Variants in CELA1 observed in about 807,000 individuals in gnomAD.
CELA1 encodes chymotrypsin-like elastase family member 1.
A neutral mutation model predicts 34.8 loss-of-function variants in CELA1; 28 were observed. That is an observed-to-expected ratio of 0.80 (90% confidence interval 0.60 to 1.10). The LOEUF (loss-of-function observed/expected upper bound fraction) is 1.10. Ranked by LOEUF, CELA1 falls within the 50% of genes least tolerant of loss-of-function variation. CELA1 has a pLI of 0.00. For synonymous variants in CELA1, 140 were observed against 129.8 expected (o/e 1.08, Z -0.53); for missense variants, 288 against 327.5 (o/e 0.88, Z 0.93).
chr12:51,330,813 A>C (rs1323051172), intron 6 of CELA1, among the ~76,000 whole-genome samples: 1 of 151,460 alleles, frequency 6.6e-6, no homozygotes, highest in Non-Finnish European at 1.5e-5. Flanking sequence ...TACTAAAAAT[A>C]CAAAAAATTA....
rs757777920 is a variant in CELA1, at chr12:51,340,020, C to T, written c.464-15G>A. ...CTGCCCATTGGCTGAACAGGACACA[C>T]GGCATTGGCAGTCAGCTCCAGATGT... On this transcript the variant is annotated splice_polypyrimidine_tract_variant and intron_variant, in intron 5 of 7. Transcript: ENST00000293636. 1.5e-5 allele frequency: 24 copies of T among 1,608,688 alleles called. No individual in the cohort carries two copies. In the South Asian group the frequency reaches 1.7e-4, roughly 11 times the overall value.
At chr12:51,336,336 G>T (rs1017696986) in intron 6 of CELA1, among the ~76,000 whole-genome samples, 1 of 152,036 alleles carries the variant, frequency 6.6e-6, no homozygotes, top group African/African-American at 2.4e-5. Flanking sequence ...CTTCCCCCAG[G>T]CCCCACTTTT....
intron 7 of CELA1, among the ~76,000 whole-genome samples, chr12:51,329,347 A>G (rs1165864729): frequency 1.3e-5 from 2 of 151,758 alleles, no homozygotes; most frequent in Non-Finnish European, 2.9e-5. Context: ...TCCCTTGCCT[A>G]GGAGTACGCA....
chr12:51,335,512 C>T (rs1405243204), intron 6 of CELA1, among the ~76,000 whole-genome samples: 1 of 151,840 alleles, frequency 6.6e-6, no homozygotes, highest in Admixed American at 6.6e-5. Context: ...CCATAGCCTC[C>T]CAAAGCACTG....
intron 6 of CELA1, among the ~76,000 whole-genome samples, chr12:51,334,979 C>A (rs1946492813): frequency 6.6e-6 from 1 of 152,150 alleles, no homozygotes. Context: ...CCATACAACC[C>A]TTTCCCCTTC....
At chr12:51,339,294 T>C (rs768728334) in intron 6 of CELA1, among the ~76,000 whole-genome samples, 3 of 152,210 alleles carry the variant, frequency 2.0e-5, no homozygotes, top group Non-Finnish European at 2.9e-5. Flanking sequence ...CTCACGCCTG[T>C]AGTCCCAGCA....
At position 51,339,873 on chromosome 12, in the gene CELA1, C is replaced by A. The variant is rs774388922; in HGVS notation, c.596G>T (p.Arg199Leu). Reference protein sequence around the residue: ...TMVCAGGDGVRSGCQGDSGGP... With the variant: ...TMVCAGGDGVLSGCQGDSGGP... ...GCAAATGTTCACCTGGCATCCAGAG[C>A]GAACTCCATCTCCACCAGCACACAC... is the stretch of plus-strand genomic sequence containing the variant. Residue 199 changes from arginine to leucine, a missense_variant, in exon 6 of 8, where the codon CGC becomes CTC. Arg to Leu is a moderately radical substitution (Grantham distance 102). Coordinates refer to ENST00000293636, the MANE Select transcript of CELA1 (RefSeq NM_001971.6). 3.1e-6 allele frequency: 5 copies of A among 1,613,096 alleles called. No individual in the cohort carries two copies. The South Asian group carries it at 3.3e-5, about 11-fold the overall frequency.
At chr12:51,346,105 A>G (rs1240086164) in intron 1 of CELA1, among the ~76,000 whole-genome samples, 2 of 151,248 alleles carry the variant, frequency 1.3e-5, no homozygotes, top group Non-Finnish European at 2.9e-5. Context: ...CCGGCATGCT[A>G]TGAAGGACCT....
Position 51,339,886 on chromosome 12 carries a change from C to T in CELA1, c.583G>A (p.Gly195Arg). The T allele has an allele frequency of 1.9e-6, 3 of 1,614,090 alleles. No homozygotes were observed. The highest frequency in any genetic ancestry group is 1.7e-5 in the Admixed American group (1 of 60,018). Residue 195 changes from glycine to arginine, a missense_variant, in exon 6 of 8, where the codon GGA becomes AGA. Gly to Arg is a moderately radical substitution (Grantham distance 125). Coordinates refer to ENST00000293636, the MANE Select transcript of CELA1 (RefSeq NM_001971.6). ...TGGCATCCAGAGCGAACTCCATCTC[C>T]ACCAGCACACACCATGGTGTTCTTC... ...TVKNTMVCAG[G>R]DGVRSGCQGD...
chr12:51,334,836 C>T (rs1381822069), intron 6 of CELA1, among the ~76,000 whole-genome samples: 1 of 152,166 alleles, frequency 6.6e-6, no homozygotes, highest in African/African-American at 2.4e-5. Flanking sequence ...CCTTTTACCC[C>T]AATCATGCAG....
chr12:51,345,956 CTT>C (rs923360247), intron 1 of CELA1, 79 bp from the exon 2 acceptor site: 15 of 979,106 alleles, frequency 1.5e-5, no homozygotes, highest in East Asian at 1.3e-4. Context: ...GGCGATTGTG[CTT>C]TGAGGAATGT....
chr12:51,330,396 T>C (rs925921224), intron 6 of CELA1, among the ~76,000 whole-genome samples: 2 of 152,172 alleles, frequency 1.3e-5, no homozygotes, highest in African/African-American at 2.4e-5. Context: ...TGATCTTGCC[T>C]CCCTTCTTAC....
intron 6 of CELA1, among the ~76,000 whole-genome samples, chr12:51,338,261 C>T (rs1202016778): frequency 4.6e-5 from 2 of 43,808 alleles, no homozygotes; most frequent in African/African-American, 1.3e-4. Flanking sequence ...AACATACACA[C>T]ACACACACAC....
intron 6 of CELA1, among the ~76,000 whole-genome samples, chr12:51,337,703 T>C (rs1946508877): frequency 6.6e-6 from 1 of 151,524 alleles, no homozygotes; most frequent in Non-Finnish European, 1.5e-5. Context: ...TTAATAAATG[T>C]AATAATTCCA....
chr12:51,342,436 A>AAGGCC (rs1263534449), intron 4 of CELA1, 139 bp downstream of exon 4: 70 of 1,240,474 alleles, frequency 5.6e-5, no homozygotes, highest in Non-Finnish European at 6.8e-6. Context: ...TCCTTAACTA[A>AAGGCC]AGGCCAGGCC....
At chr12:51,340,458 C>T (rs975695384) in intron 5 of CELA1, among the ~76,000 whole-genome samples, 23 of 146,630 alleles carry the variant, frequency 1.6e-4, no homozygotes, top group Admixed American at 7.0e-4. Context: ...GGAGCAATCT[C>T]GGCTCACCAC....
At chr12:51,346,048 C>T (rs1229817344) in intron 1 of CELA1, among the ~76,000 whole-genome samples, 171 bp from the exon 2 acceptor site, 1 of 152,066 alleles carries the variant, frequency 6.6e-6, no homozygotes, top group Non-Finnish European at 1.5e-5. Context: ...CTTTTGAAAA[C>T]AGGGGTGCCT....
chr12:51,328,473 T>C lies in CELA1; in HGVS notation c.*104A>G. 8.3e-7 allele frequency: 1 copy of C among 1,207,972 alleles called. No homozygotes were observed. Among genetic ancestry groups the C allele is most frequent in the Non-Finnish European group, 1.2e-6 (1 of 814,856 alleles). 74.8% of individuals were successfully genotyped at this position (1,207,972 alleles called of 1,614,324 possible). A position where few individuals can be genotyped will look rare whatever the true frequency, so the allele number is the denominator to read the frequency against. ...ATATCTAGTTTTATTTGCTTTTCTA[T>C]CAATGGCTCAATAGTCTTTCAGAAT... On this transcript the variant is annotated 3_prime_UTR_variant, in exon 8 of 8. Coordinates refer to ENST00000293636, the MANE Select transcript of CELA1 (RefSeq NM_001971.6).
rs138244213 is a variant in CELA1, at chr12:51,329,700, A to T, written c.743T>A (p.Ile248Asn). The change falls in exon 7 of 8, where the codon ATC (isoleucine) becomes AAC (asparagine). Residue 248 changes from isoleucine (I) to asparagine (N), a missense_variant. Ile to Asn is a moderately radical substitution (Grantham distance 149). Coordinates refer to ENST00000293636, the MANE Select transcript of CELA1 (RefSeq NM_001971.6). The part of the protein sequence containing the change: ...PTVFTQVSAY[I>N]SWINNVIASN ...AGGACTCACATTATTTATCCAGGAG[A>T]TGTAAGCAGAGACCTGGGTGAAGAC... is the stretch of plus-strand genomic sequence containing the variant. 8.6e-5 allele frequency: 139 copies of T among 1,611,904 alleles called. No individual in the cohort carries two copies. In the African/African-American group the frequency reaches 1.5e-3, roughly 18 times the overall value.
Sources: gnomAD v4.1 joint callset for allele counts (sites outside exome capture counted in the v4.1 genomes callset) on GRCh38, gnomAD v4.1.1 for gene constraint, MANE v1.5 for transcripts, NCBI Gene and HGNC (gene_info 2026-07-23, HGNC 2026-07-21) for gene names.